The following TANK variants were observed in gnomAD, a reference collection of about 807,000 sequenced individuals.
The protein encoded by TANK is TRAF family member-associated NF-kappa-B activator.
TANK carries 15 observed loss-of-function variants against 43.6 expected under a neutral mutation model. The ratio of observed to expected loss-of-function variants is 0.34; its 90% CI spans 0.23 to 0.53. TANK has a LOEUF of 0.53. Ranked by LOEUF, TANK falls within the 20% of genes least tolerant of loss-of-function variation. The pLI is 0.94. For missense variants in TANK, 417 were observed against 498.6 expected (o/e 0.84, Z 1.56); for synonymous variants, 162 against 178.2 (o/e 0.91, Z 0.73).
At chr2:161,143,352 A>G (rs1445429389) in intron 1 of TANK, among the ~76,000 whole-genome samples, 2 of 152,188 alleles carry the variant, frequency 1.3e-5, no homozygotes, top group Non-Finnish European at 2.9e-5. Context: ...AGAACTTCCA[A>G]TACTATGTTG....
At chr2:161,167,608 TTTTGTTTG>T in intron 1 of TANK, among the ~76,000 whole-genome samples, 1 of 151,956 alleles carries the variant, frequency 6.6e-6, no homozygotes, top group Non-Finnish European at 1.5e-5. Context: ...GCAACCAGGT[TTTTGTTTG>T]TTTGTTTGTT....
At chr2:161,168,050 T>C (rs753696381) in intron 1 of TANK, among the ~76,000 whole-genome samples, 1 of 152,162 alleles carries the variant, frequency 6.6e-6, no homozygotes, top group Non-Finnish European at 1.5e-5. Context: ...CTATAGGGCA[T>C]GAGTTTTGGT....
chr2:161,231,312 T>C lies in TANK; in HGVS notation c.862T>C (p.Phe288Leu). Residue 288 changes from phenylalanine to leucine, a missense_variant, in exon 7 of 8, where the codon TTT becomes CTT. Coordinates refer to ENST00000392749, the MANE Select transcript of TANK (RefSeq NM_001199135.3). Reference protein sequence around the residue: ...GNFVKTEETLFEIQGIDPIAS... With the variant: ...GNFVKTEETLLEIQGIDPIAS... ...CTTTGTTAAAACAGAAGAAACTTTA[T>C]TTGAAATTCAGGGAATTGACCCCAT... The C allele has an allele frequency of 6.2e-7, 1 of 1,614,150 alleles. No individual in the cohort carries two copies. The highest frequency in any genetic ancestry group is 1.1e-5 in the South Asian group (1 of 91,080).
At chr2:161,233,135 G>A (rs10190261) in intron 7 of TANK, among the ~76,000 whole-genome samples, 8,136 of 152,200 alleles carry the variant, frequency 0.053, 692 homozygotes, top group African/African-American at 0.18. Flanking sequence ...TATAATCCCA[G>A]CACTTTGGGA....
intron 1 of TANK, 75 bp from the exon 2 acceptor site, chr2:161,179,539 T>C: frequency 7.6e-7 from 1 of 1,317,318 alleles, no homozygotes; most frequent in East Asian, 2.6e-5. Flanking sequence ...CTTATAGAAC[T>C]ATCTTTAAGA....
upstream of TANK, chr2:161,156,162 A>G: frequency 3.0e-6 from 3 of 985,430 alleles, no homozygotes; most frequent in South Asian, 9.4e-5. Context: ...AAGTTGGGGC[A>G]TAATCTTTCT....
At chr2:161,198,061 G>A (rs148617016) in intron 2 of TANK, among the ~76,000 whole-genome samples, 216 of 152,316 alleles carry the variant, frequency 1.4e-3, no homozygotes, top group African/African-American at 5.0e-3. Context: ...ATACGGAGAT[G>A]AGACTCAAAG....
At position 161,235,600 on chromosome 2, in the gene TANK, A is replaced by C; in HGVS notation, c.*82A>C. 9.1e-7 allele frequency: 1 copy of C among 1,096,250 alleles called. No homozygotes were observed. Among genetic ancestry groups the C allele is most frequent in the Non-Finnish European group, 1.2e-6 (1 of 810,686 alleles). The allele number at this position is 1,096,250 out of a possible 1,614,324, so 67.9% of individuals were successfully genotyped here. A position where few individuals can be genotyped will look rare whatever the true frequency, so the allele number is the denominator to read the frequency against. On this transcript the variant is annotated 3_prime_UTR_variant, in exon 8 of 8. Transcript: ENST00000392749. ...CTATAAATACTTGATTGTAAACTAA[A>C]TTCAAGATCATTTATAGGAAAATCT...
chr2:161,222,258 G>GT (rs1490435379), intron 4 of TANK, among the ~76,000 whole-genome samples: 2 of 151,342 alleles, frequency 1.3e-5, no homozygotes, highest in Non-Finnish European at 3.0e-5. Context: ...TTTTTGTTTT[G>GT]TTTTTTGTTG....
intron 7 of TANK, among the ~76,000 whole-genome samples, chr2:161,232,453 T>TA (rs1448666837): frequency 6.6e-6 from 1 of 152,184 alleles, no homozygotes; most frequent in Non-Finnish European, 1.5e-5. Context: ...GTTATAGACT[T>TA]AAATCAGCAC....
At chr2:161,171,268 T>G (rs1220254689) in intron 1 of TANK, among the ~76,000 whole-genome samples, 1 of 152,210 alleles carries the variant, frequency 6.6e-6, no homozygotes, top group Non-Finnish European at 1.5e-5. Context: ...AGGAGAGAAC[T>G]TGTTGCATGG....
At chr2:161,223,856 C>A in intron 4 of TANK, 59 bp from the exon 5 acceptor site, 1 of 1,153,864 alleles carries the variant, frequency 8.7e-7, no homozygotes, top group Non-Finnish European at 1.3e-6. Flanking sequence ...CTTTACTCGA[C>A]CTCATTTGAA....
At chr2:161,180,337 A>G (rs913843636) in intron 2 of TANK, 2 of 181,364 alleles carry the variant, frequency 1.1e-5, no homozygotes, top group Admixed American at 6.5e-5. Context: ...TTCAGAAGAA[A>G]GTAAATTGGA....
chr2:161,204,817 C>T, intron 4 of TANK, 24 bp downstream of exon 4: 1 of 1,600,332 alleles, frequency 6.2e-7, no homozygotes. Context: ...CTGCAGAAAG[C>T]AGCATTTAAA....
chr2:161,141,418 A>C (rs1170571085), intron 1 of TANK, among the ~76,000 whole-genome samples: 2 of 152,078 alleles, frequency 1.3e-5, no homozygotes, highest in Non-Finnish European at 2.9e-5. Flanking sequence ...GTTTTGTTGC[A>C]CCTATCAACC....
chr2:161,172,378 G>A (rs1260161117), intron 1 of TANK, among the ~76,000 whole-genome samples: 3 of 124,242 alleles, frequency 2.4e-5, no homozygotes, highest in Non-Finnish European at 4.8e-5. Flanking sequence ...TTTTTTTGGG[G>A]GTAAAACGAT....
chr2:161,212,505 A>G (rs1185738467), intron 4 of TANK: 3 of 985,256 alleles, frequency 3.0e-6, no homozygotes, highest in Non-Finnish European at 3.6e-6. Flanking sequence ...GTGTTTTTGA[A>G]TTCAGTACAT....
At chr2:161,193,565 A>G (rs1037147817) in intron 2 of TANK, among the ~76,000 whole-genome samples, 2 of 152,182 alleles carry the variant, frequency 1.3e-5, no homozygotes, top group African/African-American at 4.8e-5. Flanking sequence ...ATTTAAAAAT[A>G]AATAAATAGA....
intron 6 of TANK, among the ~76,000 whole-genome samples, chr2:161,227,473 T>C (rs1405336481): frequency 6.6e-6 from 1 of 152,206 alleles, no homozygotes; most frequent in African/African-American, 2.4e-5. Flanking sequence ...CCACTTACTA[T>C]AATAGTTGTG....
Sources: gnomAD v4.1 joint callset for allele counts (sites outside exome capture counted in the v4.1 genomes callset) on GRCh38, gnomAD v4.1.1 for gene constraint, MANE v1.5 for transcripts, NCBI Gene and HGNC (gene_info 2026-07-23, HGNC 2026-07-21) for gene names.